The following FGF13 variants were observed in gnomAD, a reference collection of about 807,000 sequenced individuals.
FGF13 encodes the protein fibroblast growth factor homologous factor 2.
FGF13 carries 2 observed loss-of-function variants against 19.5 expected under a neutral mutation model. That is an observed-to-expected ratio of 0.10 (90% CI 0.04 to 0.32). The LOEUF is 0.32. Ranked by LOEUF, FGF13 falls within the 10% of genes least tolerant of loss-of-function variation. The pLI is 1.00. For missense variants in FGF13, 113 were observed against 192.7 expected (o/e 0.59, Z 2.45); for synonymous variants, 72 against 76.9 (o/e 0.94, Z 0.33).
intron 1 of FGF13, among the ~76,000 whole-genome samples, chrX:139,149,824 TA>T (rs1373284919): frequency 8.9e-6 from 1 of 111,901 alleles, no homozygotes; most frequent in African/African-American, 3.3e-5. Context: ...TCTGAGAAAA[TA>T]TGATACTAAT....
At position 138,888,194 on chromosome X, in the gene FGF13, C is replaced by T. The variant is rs145901964; in HGVS notation, c.-112-23544G>A. On this transcript the variant is annotated intron_variant, in intron 1 of 2. Coordinates refer to the FGF13 transcript ENST00000421460. ...TTGCTAACCTACATCAATAATAATACGCCATTGAGTTGTATCATTCCATTC... is the reference window on the plus strand; with the variant it reads ...TTGCTAACCTACATCAATAATAATATGCCATTGAGTTGTATCATTCCATTC... Among the ~76,000 whole-genome samples, 398 of 112,132 alleles carry T rather than the reference C, an allele frequency of 3.5e-3. 15 individuals carry two copies. The East Asian group carries it at 0.099, about 28-fold the overall frequency.
intron 1 of FGF13, among the ~76,000 whole-genome samples, chrX:138,977,501 T>C (rs1284843442): frequency 8.9e-6 from 1 of 112,577 alleles, no homozygotes; most frequent in African/African-American, 3.2e-5. Context: ...GGTTTCTTTT[T>C]GCCACAGCTT....
At chrX:138,666,240 A>C (rs2089542756) in intron 3 of FGF13, among the ~76,000 whole-genome samples, 1 of 111,247 alleles carries the variant, frequency 9.0e-6, no homozygotes, top group Non-Finnish European at 1.9e-5. Context: ...AGCCTCATCA[A>C]TAAGGATCCA....
At chrX:138,756,065 G>C (rs1481710198) in intron 3 of FGF13, among the ~76,000 whole-genome samples, 2 of 111,985 alleles carry the variant, frequency 1.8e-5, no homozygotes, top group Non-Finnish European at 3.8e-5. Flanking sequence ...GTGTCCATCT[G>C]TAAGCCAAGG....
intron 1 of FGF13, among the ~76,000 whole-genome samples, chrX:139,186,209 T>C (rs1280685315): frequency 9.0e-6 from 1 of 111,094 alleles, no homozygotes; most frequent in Non-Finnish European, 1.9e-5. Flanking sequence ...ATGTAAGAGA[T>C]GAAAAAAAGA....
chrX:139,024,098 T>C (rs902624132), intron 1 of FGF13, among the ~76,000 whole-genome samples: 10 of 110,911 alleles, frequency 9.0e-5, no homozygotes, highest in Non-Finnish European at 1.5e-4. Flanking sequence ...CTGGGTCTTC[T>C]GTTCACAGGG....
chrX:139,092,990 A>G (rs1569452386), intron 1 of FGF13, among the ~76,000 whole-genome samples: 2 of 110,448 alleles, frequency 1.8e-5, no homozygotes, highest in South Asian at 3.9e-4. Flanking sequence ...CTGTTTAACA[A>G]CTTTCACAAA....
At chrX:138,962,829 C>T (rs1370330453) in intron 1 of FGF13, among the ~76,000 whole-genome samples, 1 of 110,942 alleles carries the variant, frequency 9.0e-6, no homozygotes, top group Non-Finnish European at 1.9e-5. Context: ...GGGAACATCA[C>T]ACACCGGGGC....
chrX:138,963,983 G>A (rs1331583305), intron 1 of FGF13, among the ~76,000 whole-genome samples: 2 of 111,677 alleles, frequency 1.8e-5, no homozygotes, highest in African/African-American at 6.5e-5. Context: ...GCCAGGCAGT[G>A]GGCTAGGAGA....
At chrX:138,793,757 T>G in intron 3 of FGF13, among the ~76,000 whole-genome samples, 1 of 112,061 alleles carries the variant, frequency 8.9e-6, no homozygotes, top group Non-Finnish European at 1.9e-5. Context: ...ATTCTGGTCC[T>G]GTCCAAGGTC....
In FGF13 at chrX:138,811,814, T is replaced by C. The variant is rs756315800; in HGVS notation, c.217+45698A>G. ...CCTATGTTAGTAAATGACACCACCATCCACCAGGTTGTTCAATCACAAAAA... is the reference window on the plus strand; with the variant it reads ...CCTATGTTAGTAAATGACACCACCACCCACCAGGTTGTTCAATCACAAAAA... On this transcript the variant is annotated intron_variant, in intron 3 of 6. Transcript: ENST00000436198. Among the ~76,000 whole-genome samples, 2 of 110,518 alleles carry C rather than the reference T, an allele frequency of 1.8e-5. 1 individual carries two copies. Among genetic ancestry groups the C allele is most frequent in the South Asian group, 7.8e-4 (2 of 2,568 alleles).
At chrX:139,194,493 T>C (rs2084356266) in intron 1 of FGF13, among the ~76,000 whole-genome samples, 1 of 112,401 alleles carries the variant, frequency 8.9e-6, no homozygotes, top group African/African-American at 3.2e-5. Context: ...TCAAGATGCA[T>C]CTTCGGTTTT....
chrX:139,110,776 T>A (rs149620871), intron 1 of FGF13, among the ~76,000 whole-genome samples: 1,275 of 112,049 alleles, frequency 0.011, 22 homozygotes, highest in African/African-American at 0.039. Context: ...ACAGCAATAT[T>A]TGAGCATCCA....
At chrX:138,941,411 C>T (rs940250553) in intron 1 of FGF13, among the ~76,000 whole-genome samples, 1 of 111,535 alleles carries the variant, frequency 9.0e-6, no homozygotes, top group African/African-American at 3.3e-5. Flanking sequence ...TTCCTATACA[C>T]CAACGATGTC....
At chrX:139,081,128 C>A (rs73581298) in intron 1 of FGF13, among the ~76,000 whole-genome samples, 2 of 110,770 alleles carry the variant, frequency 1.8e-5, no homozygotes, top group African/African-American at 3.3e-5. Flanking sequence ...AAATGCCCCC[C>A]ACGCCCTGCC....
chrX:138,656,878 A>G (rs1201100423), intron 3 of FGF13, among the ~76,000 whole-genome samples: 1 of 112,339 alleles, frequency 8.9e-6, no homozygotes, highest in African/African-American at 3.2e-5. Context: ...TAATTTGAGA[A>G]CATTGTGAGG....
At chrX:139,170,956 A>G (rs2148262412) in intron 1 of FGF13, among the ~76,000 whole-genome samples, 1 of 111,621 alleles carries the variant, frequency 9.0e-6, no homozygotes, top group Non-Finnish European at 1.9e-5. Context: ...TTTCTCAACT[A>G]TGTGACAGCT....
chrX:138,798,857 T>G (rs187575468), intron 3 of FGF13, among the ~76,000 whole-genome samples: 178 of 111,760 alleles, frequency 1.6e-3, no homozygotes, highest in African/African-American at 5.6e-3. Context: ...TTGTGTAGAG[T>G]TGTTTATAGT....
intron 1 of FGF13, among the ~76,000 whole-genome samples, chrX:139,073,032 G>C (rs995702364): frequency 9.1e-6 from 1 of 109,821 alleles, no homozygotes; most frequent in Admixed American, 9.8e-5. Flanking sequence ...ACCTGTCATC[G>C]TATACTTTCT....
Sources: gnomAD v4.1 joint callset for allele counts (sites outside exome capture counted in the v4.1 genomes callset) on GRCh38, gnomAD v4.1.1 for gene constraint, MANE v1.5 for transcripts, NCBI Gene and HGNC (gene_info 2026-07-23, HGNC 2026-07-21) for gene names.